CRTC1: variants seen among roughly 807,000 people sequenced by gnomAD.
The protein encoded by CRTC1 is CREB regulated transcription coactivator 1, also known as CREB-regulated transcription coactivator 1.
In CRTC1, 18 loss-of-function variants were observed where a neutral mutation model predicts 66.1. The observed-to-expected ratio is 0.27, with a 90% CI of 0.19 to 0.40. The LOEUF is 0.40. Among genes scored for constraint, CRTC1 ranks in the 10% least tolerant of loss-of-function variants. The pLI, the probability that CRTC1 is intolerant of heterozygous loss-of-function variation, is 1.00. For synonymous variants in CRTC1, 416 were observed against 398.8 expected (o/e 1.04, Z -0.51); for missense variants, 669 against 887.9 (o/e 0.75, Z 3.13).
At chr19:18,685,249 A>G (rs1426586533) in intron 1 of CRTC1, among the ~76,000 whole-genome samples, 1 of 152,130 alleles carries the variant, frequency 6.6e-6, no homozygotes, top group African/African-American at 2.4e-5. Flanking sequence ...TCACCCAGGT[A>G]CTGCTTTAGG....
intron 1 of CRTC1, among the ~76,000 whole-genome samples, chr19:18,710,484 TCGG>T (rs1270102135): frequency 1.3e-5 from 2 of 148,828 alleles, no homozygotes; most frequent in Non-Finnish European, 3.0e-5. Flanking sequence ...CCAGTGTGAG[TCGG>T]CGGCCGGCCG....
Position 18,777,410 on chromosome 19 carries a change from G to A in CRTC1, c.*28G>A, listed in dbSNP as rs2055015418. 8 of 1,592,786 alleles carry A rather than the reference G, an allele frequency of 5.0e-6. No individual in the cohort carries two copies. Among genetic ancestry groups the A allele is most frequent in the Non-Finnish European group, 6.8e-6 (8 of 1,173,846 alleles). ...GGGCACGCCGGCACCCTGCCGCTCA[G>A]CCGTCCCGACGGCGCCTCCCCAGCC... On this transcript the variant is annotated 3_prime_UTR_variant, in exon 14 of 14. Coordinates refer to ENST00000321949, the MANE Select transcript of CRTC1 (RefSeq NM_015321.3). This position sits in a 1 kb window ranked among gnomAD's most constrained non-coding sequence, Gnocchi z 5.5.
chr19:18,742,475 C>T (rs772744409), intron 1 of CRTC1, among the ~76,000 whole-genome samples: 4 of 152,226 alleles, frequency 2.6e-5, no homozygotes, highest in Non-Finnish European at 4.4e-5. Context: ...TCTGAGACAG[C>T]TTCCTCCGAT....
chr19:18,729,965 C>G (rs975333738), intron 1 of CRTC1, among the ~76,000 whole-genome samples: 1 of 152,122 alleles, frequency 6.6e-6, no homozygotes, highest in Admixed American at 6.5e-5. Flanking sequence ...GGGTCACGCA[C>G]TGGGTGCCAG....
chr19:18,690,370 G>A (rs1307438680), intron 1 of CRTC1, among the ~76,000 whole-genome samples: 4 of 152,146 alleles, frequency 2.6e-5, no homozygotes, highest in South Asian at 2.1e-4. Context: ...TGGCTTTGGC[G>A]CTATTTGTTT....
intron 1 of CRTC1, among the ~76,000 whole-genome samples, chr19:18,684,725 G>T (rs553635583): frequency 6.6e-6 from 1 of 152,276 alleles, no homozygotes; most frequent in South Asian, 2.1e-4. Flanking sequence ...GTGGCTGGGC[G>T]CATTTGGTGT....
At chr19:18,685,843 A>G (rs998529700) in intron 1 of CRTC1, among the ~76,000 whole-genome samples, 6 of 152,156 alleles carry the variant, frequency 3.9e-5, no homozygotes, top group African/African-American at 9.7e-5. Flanking sequence ...CAGTAGGTTC[A>G]TGGGTGTCAT....
chr19:18,731,063 T>C (rs1408350362), intron 1 of CRTC1, among the ~76,000 whole-genome samples: 1 of 151,926 alleles, frequency 6.6e-6, no homozygotes, highest in Non-Finnish European at 1.5e-5. Context: ...CACAGCACCC[T>C]CCACCTCCTG....
In CRTC1 at chr19:18,775,724, G is replaced by A. The variant is rs761250026; in HGVS notation, c.1596G>A (p.Ala532=). The A allele has an allele frequency of 1.1e-5, 17 of 1,612,652 alleles. No homozygotes were observed. The highest frequency in any genetic ancestry group is 4.4e-5 in the South Asian group (4 of 91,060). ...GCTCCACACTCAACTACTCGCAGGC[G>A]GCCATGATGGGCCTCACGGGCAGCC... is the stretch of plus-strand genomic sequence containing the variant. ...SPGSTLNYSQ[A]AMMGLTGSHG... Residue 532 remains alanine (A), a synonymous_variant, in exon 13 of 14, where the codon GCG becomes GCA. Transcript: ENST00000321949.
At position 18,771,271 on chromosome 19, in the gene CRTC1, T is replaced by C. The variant is rs2054861539; in HGVS notation, c.1321-171T>C. On this transcript the variant is annotated intron_variant, in intron 10 of 13. Coordinates refer to ENST00000321949, the MANE Select transcript of CRTC1 (RefSeq NM_015321.3). This position sits in a 1 kb window ranked among gnomAD's most constrained non-coding sequence, Gnocchi z 4.6. ...CCCCGGAGGCTCAGGTACCCACCTT[T>C]CCTGCAGGTGTCCAGGCTCCTCTGC... is the stretch of plus-strand genomic sequence containing the variant. 6.6e-6 allele frequency among the ~76,000 whole-genome samples: 1 copy of C among 152,212 alleles called. No individual in the cohort carries two copies. Among genetic ancestry groups the C allele is most frequent in the Middle Eastern group, 3.4e-3 (1 of 294 alleles).
At chr19:18,775,901 G>A (rs754008193) in intron 13 of CRTC1, 80 bp downstream of exon 13, 262 of 1,409,590 alleles carry the variant, frequency 1.9e-4, no homozygotes, top group Non-Finnish European at 2.4e-4. Flanking sequence ...CTGCTGTCCC[G>A]CAGCAGGAGG....
intron 2 of CRTC1, among the ~76,000 whole-genome samples, chr19:18,743,840 G>T (rs948105103): frequency 3.9e-5 from 6 of 152,242 alleles, no homozygotes; most frequent in Admixed American, 6.5e-5. Context: ...CTGATGCTGG[G>T]CGTGTTCTTT....
intron 8 of CRTC1, among the ~76,000 whole-genome samples, chr19:18,761,014 G>A (rs142490402): frequency 9.2e-5 from 14 of 152,092 alleles, no homozygotes; most frequent in East Asian, 1.9e-4. Flanking sequence ...AAAGCCTGAG[G>A]CCTCCAGGGT....
chr19:18,743,112 G>A, intron 2 of CRTC1, 86 bp downstream of exon 2: 7 of 1,073,982 alleles, frequency 6.5e-6, no homozygotes, highest in Non-Finnish European at 1.0e-5. Context: ...GGACAGCTGG[G>A]GTTATCAGAC....
rs2054714385 is a variant in CRTC1, at chr19:18,765,628, A to G, written c.1011+100A>G. On this transcript the variant is annotated intron_variant, in intron 9 of 13. Coordinates refer to ENST00000321949, the MANE Select transcript of CRTC1 (RefSeq NM_015321.3). ...CCTCCTGTTCCTTCCAGGAGGCCAC[A>G]AAACCTTGAGAATGCTCCCAACACT... 5.0e-6 allele frequency: 6 copies of G among 1,196,002 alleles called. 1 individual carries two copies. The Admixed American group carries it at 1.7e-4, about 33-fold the overall frequency. The allele number at this position is 1,196,002 out of a possible 1,614,324, so 74.1% of individuals were successfully genotyped here. A position where few individuals can be genotyped will look rare whatever the true frequency, so the allele number is the denominator to read the frequency against.
intron 1 of CRTC1, among the ~76,000 whole-genome samples, chr19:18,692,601 CAAAAAA>C (rs36124401): frequency 8.1e-6 from 1 of 124,014 alleles, no homozygotes. Context: ...AACTCTGTCT[CAAAAAA>C]AAAAAAAAAA....
At chr19:18,707,001 T>C (rs991881574) in intron 1 of CRTC1, among the ~76,000 whole-genome samples, 1 of 152,216 alleles carries the variant, frequency 6.6e-6, no homozygotes, top group Non-Finnish European at 1.5e-5. Context: ...CTTTTCACTC[T>C]GTTGATTACG....
At chr19:18,685,619 T>C (rs1019529968) in intron 1 of CRTC1, among the ~76,000 whole-genome samples, 6 of 152,218 alleles carry the variant, frequency 3.9e-5, no homozygotes, top group African/African-American at 1.4e-4. Flanking sequence ...ATCATGTTAC[T>C]GTACTCCAGC....
Position 18,771,396 on chromosome 19 carries a change from GC to G in CRTC1, c.1321-45del, listed in dbSNP as rs766631794. The G allele has an allele frequency of 2.8e-5, 43 of 1,532,000 alleles. No individual in the cohort carries two copies. Among genetic ancestry groups the G allele is most frequent in the Middle Eastern group, 1.7e-4 (1 of 5,780 alleles). 94.9% of individuals were successfully genotyped at this position (1,532,000 alleles called of 1,614,324 possible). ...CCGGGAAGCAGGGACTGGAGCCCGG[GC>G]TTGGGCAGCTGGGCTGCGGCGTGCT... is the stretch of plus-strand genomic sequence containing the variant. On this transcript the variant is annotated intron_variant, in intron 10 of 13. Coordinates refer to ENST00000321949, the MANE Select transcript of CRTC1 (RefSeq NM_015321.3). The surrounding 1 kb of genome is among the most constrained non-coding windows in gnomAD (Gnocchi z 4.6).
Sources: allele counts gnomAD v4.1 joint callset (sites outside exome capture counted in the v4.1 genomes callset), GRCh38; gene constraint gnomAD v4.1.1; non-coding constraint Gnocchi (gnomAD v3.1); transcripts MANE v1.5; gene names NCBI Gene and HGNC (gene_info 2026-07-23, HGNC 2026-07-21).